TPD52: variants seen among roughly 807,000 people sequenced by gnomAD.
TPD52 encodes tumor protein D52.
A neutral mutation model predicts 31.3 loss-of-function variants in TPD52; 17 were observed. That is an observed-to-expected ratio of 0.54 (90% CI 0.37 to 0.82). The LOEUF (loss-of-function observed/expected upper bound fraction) is 0.82, where lower values mean the gene tolerates loss of function less well. Among genes scored for constraint, TPD52 ranks in the 40% least tolerant of loss-of-function variants. The pLI is 0.00. For synonymous variants in TPD52, 83 were observed against 89.6 expected (o/e 0.93, Z 0.42); for missense variants, 212 against 240.1 (o/e 0.88, Z 0.77).
intron 1 of TPD52, among the ~76,000 whole-genome samples, chr8:80,148,066 TA>T (rs2131179982): frequency 6.6e-6 from 1 of 152,268 alleles, no homozygotes; most frequent in South Asian, 2.1e-4. Flanking sequence ...GTAACCTTAT[TA>T]ATCTCCCTAC....
intron 1 of TPD52, chr8:80,170,942 C>G: frequency 2.9e-6 from 1 of 348,662 alleles, no homozygotes; most frequent in Non-Finnish European, 5.6e-6. Context: ...ATGGGTCATA[C>G]GCCACCAAAA....
intron 1 of TPD52, among the ~76,000 whole-genome samples, chr8:80,162,214 C>T (rs1024207344): frequency 3.3e-5 from 5 of 151,974 alleles, no homozygotes; most frequent in African/African-American, 1.2e-4. Context: ...GAAAGCCATG[C>T]AAATTACCCC....
chr8:80,107,538 C>T (rs1018654968), intron 1 of TPD52, among the ~76,000 whole-genome samples: 6 of 152,126 alleles, frequency 3.9e-5, no homozygotes, highest in Non-Finnish European at 4.4e-5. Flanking sequence ...TCAAACCAGA[C>T]GTTATCTCCT....
rs1812818393 is a variant in TPD52, at chr8:80,063,902, G to A, written c.135+576C>T. ...AGGGAGGGAAAGGAGAGGAGGAATGGGGGGGAATGGCAGAGGGAGGGAGGG... is the reference window on the plus strand; with the variant it reads ...AGGGAGGGAAAGGAGAGGAGGAATGAGGGGGAATGGCAGAGGGAGGGAGGG... On this transcript the variant is annotated intron_variant, in intron 2 of 7. Coordinates refer to ENST00000518937, the MANE Select transcript of TPD52 (RefSeq NM_001025253.3). Among the ~76,000 whole-genome samples, 3 of 140,074 alleles carry A rather than the reference G, an allele frequency of 2.1e-5. No homozygotes were observed. The South Asian group carries it at 7.4e-4, about 35-fold the overall frequency. 91.9% of individuals were successfully genotyped at this position (140,074 alleles called of 152,430 possible). A position where few individuals can be genotyped will look rare whatever the true frequency, so the allele number is the denominator to read the frequency against.
chr8:80,070,290 TC>T (rs992298043), intron 1 of TPD52, among the ~76,000 whole-genome samples: 75 of 152,220 alleles, frequency 4.9e-4, no homozygotes, highest in African/African-American at 1.6e-3. Context: ...ACCAAGTGCT[TC>T]AAGACTTTCT....
At chr8:80,137,352 G>T (rs1158908187) in intron 1 of TPD52, among the ~76,000 whole-genome samples, 1 of 152,040 alleles carries the variant, frequency 6.6e-6, no homozygotes, top group Non-Finnish European at 1.5e-5. Context: ...AAACTATATG[G>T]TGATTATTTA....
chr8:80,044,406 G>A (rs1810648040), intron 5 of TPD52, among the ~76,000 whole-genome samples, 198 bp from the exon 6 acceptor site: 1 of 152,074 alleles, frequency 6.6e-6, no homozygotes, highest in Non-Finnish European at 1.5e-5. Flanking sequence ...TAATTCCCAG[G>A]AGTTACTAGA....
intron 1 of TPD52, chr8:80,066,855 A>G (rs1813210707): frequency 6.6e-6 from 1 of 152,206 alleles, no homozygotes; most frequent in Non-Finnish European, 1.5e-5. Context: ...TCAAGTAACA[A>G]TCATATAAGG....
At chr8:80,044,119 G>T in intron 6 of TPD52, 48 bp downstream of exon 6, 1 of 1,492,404 alleles carries the variant, frequency 6.7e-7, no homozygotes, top group South Asian at 1.2e-5. Flanking sequence ...TCTAAATAAA[G>T]AAAAATAAAG....
Position 80,040,839 on chromosome 8 carries a change from T to C in TPD52, c.504+1781A>G, listed in dbSNP as rs149354923. On this transcript the variant is annotated intron_variant, in intron 7 of 7. Transcript: ENST00000518937. ...ATAAAGCAGGTCTCTTGAAATGACA[T>C]AGAAGAATGACTCTTATATATATTG... 5.4e-3 allele frequency among the ~76,000 whole-genome samples: 822 copies of C among 152,308 alleles called. 6 individuals are homozygous for C. The highest frequency in any genetic ancestry group is 0.019 in the African/African-American group (783 of 41,568).
At position 80,050,491 on chromosome 8, in the gene TPD52, G is replaced by A. The variant is rs1233193246; in HGVS notation, c.387-20C>T. On this transcript the variant is annotated intron_variant, in intron 4 of 7. Transcript: ENST00000518937. Reference sequence around the variant, plus strand: ...TGCAATCTGTAAGAAGCCAGAGTAAGCATTAAAAAAGAAAGAAGTTCTGAT... The same window carrying A: ...TGCAATCTGTAAGAAGCCAGAGTAAACATTAAAAAAGAAAGAAGTTCTGAT... The A allele has an allele frequency of 6.3e-7, 1 of 1,596,328 alleles. No homozygotes were observed. Among genetic ancestry groups the A allele is most frequent in the East Asian group, 2.2e-5 (1 of 44,544 alleles).
intron 1 of TPD52, among the ~76,000 whole-genome samples, chr8:80,070,358 A>T (rs1339222725): frequency 6.6e-6 from 1 of 152,172 alleles, no homozygotes; most frequent in East Asian, 1.9e-4. Context: ...ATCTGAAAGA[A>T]TTCTGAATCG....
At chr8:80,086,877 C>CAA (rs58864911) in intron 1 of TPD52, among the ~76,000 whole-genome samples, 1,340 of 76,606 alleles carry the variant, frequency 0.017, 98 homozygotes, top group Middle Eastern at 0.049. Flanking sequence ...GCTGTCTCAA[C>CAA]AAAAAAAAAA....
At chr8:80,051,003 A>G (rs1371003312) in intron 4 of TPD52, among the ~76,000 whole-genome samples, 1 of 126,966 alleles carries the variant, frequency 7.9e-6, no homozygotes, top group Admixed American at 7.3e-5. Context: ...AATCTAAATG[A>G]AAAAAAAAAA....
chr8:80,110,317 A>T (rs1807414839), intron 1 of TPD52, among the ~76,000 whole-genome samples: 1 of 152,200 alleles, frequency 6.6e-6, no homozygotes, highest in Admixed American at 6.5e-5. Context: ...ATTCAAAAAC[A>T]TCAACAGCAT....
chr8:80,052,633 A>T, intron 3 of TPD52: 1 of 1,288,850 alleles, frequency 7.8e-7, no homozygotes, highest in Non-Finnish European at 1.0e-6. Flanking sequence ...CTCAATACAG[A>T]AGACAGAGCA....
At chr8:80,055,973 T>C (rs1811833693) in intron 2 of TPD52, among the ~76,000 whole-genome samples, 2 of 152,094 alleles carry the variant, frequency 1.3e-5, no homozygotes, top group Non-Finnish European at 2.9e-5. Flanking sequence ...TGAAAAACAG[T>C]ATGGAGGTTT....
intron 5 of TPD52, among the ~76,000 whole-genome samples, chr8:80,044,418 C>G (rs1388843759): frequency 6.6e-6 from 1 of 152,160 alleles, no homozygotes; most frequent in Admixed American, 6.5e-5. Flanking sequence ...GTTACTAGAG[C>G]TAACAATACC....
chr8:80,103,678 C>T (rs1312705442), intron 1 of TPD52, among the ~76,000 whole-genome samples: 2 of 152,172 alleles, frequency 1.3e-5, no homozygotes, highest in Admixed American at 6.5e-5. Context: ...GACTTAGATA[C>T]GTGCATTCTA....
Sources: allele counts gnomAD v4.1 joint callset (sites outside exome capture counted in the v4.1 genomes callset), GRCh38; gene constraint gnomAD v4.1.1; transcripts MANE v1.5; gene names NCBI Gene and HGNC (gene_info 2026-07-23, HGNC 2026-07-21).